WBP1L: variants seen among roughly 807,000 people sequenced by gnomAD.
The protein encoded by WBP1L is WW domain binding protein 1-like.
WBP1L carries 17 observed loss-of-function variants against 33.7 expected under a neutral mutation model. The observed-to-expected ratio is 0.50, with a 90% CI of 0.34 to 0.76. WBP1L has a LOEUF of 0.76. WBP1L is among the 30% of genes least tolerant of loss of function. WBP1L has a pLI of 0.01. For synonymous variants in WBP1L, 173 were observed against 190.8 expected (o/e 0.91, Z 0.77); for missense variants, 389 against 469.4 (o/e 0.83, Z 1.58).
At chr10:102,809,793 A>G (rs1843801714) in intron 2 of WBP1L, 100 bp from the exon 3 acceptor site, 2 of 1,381,686 alleles carry the variant, frequency 1.4e-6, no homozygotes, top group African/African-American at 2.9e-5. Context: ...TGCCAGCTTC[A>G]ACCACGTGGG....
chr10:102,776,418 G>C (rs1843263665), intron 1 of WBP1L: 2 of 1,614,060 alleles, frequency 1.2e-6, no homozygotes, highest in African/African-American at 2.7e-5. Context: ...TCTTAGACAG[G>C]TAATTGTTTC....
chr10:102,753,401 G>T (rs753467022), intron 1 of WBP1L, among the ~76,000 whole-genome samples: 14 of 152,188 alleles, frequency 9.2e-5, no homozygotes, highest in Non-Finnish European at 1.8e-4. Flanking sequence ...AGAAACACAA[G>T]TAAATCCAGA....
At chr10:102,756,485 C>A (rs1483912768) in intron 1 of WBP1L, among the ~76,000 whole-genome samples, 3 of 152,018 alleles carry the variant, frequency 2.0e-5, no homozygotes, top group African/African-American at 7.3e-5. Flanking sequence ...CCTTAATATA[C>A]TGTGGACTAA....
intron 1 of WBP1L, among the ~76,000 whole-genome samples, chr10:102,759,125 A>G (rs1564754679): frequency 6.6e-6 from 1 of 152,084 alleles, no homozygotes; most frequent in Non-Finnish European, 1.5e-5. Context: ...GGTGGAGCAG[A>G]GTGTTCCCTG....
intron 1 of WBP1L, among the ~76,000 whole-genome samples, chr10:102,759,079 C>T (rs1432162942): frequency 6.6e-6 from 1 of 152,196 alleles, no homozygotes; most frequent in East Asian, 1.9e-4. Context: ...TGACTGTGGG[C>T]AGGCCTGGAT....
At chr10:102,798,251 G>C (rs1347151527) in intron 2 of WBP1L, among the ~76,000 whole-genome samples, 156 bp downstream of exon 2, 2 of 152,200 alleles carry the variant, frequency 1.3e-5, no homozygotes, top group African/African-American at 2.4e-5. Flanking sequence ...TTCCTTTGTA[G>C]AGGAAGAGAG....
intron 1 of WBP1L, among the ~76,000 whole-genome samples, chr10:102,787,191 G>A (rs1360136917): frequency 6.6e-6 from 1 of 152,208 alleles, no homozygotes; most frequent in Non-Finnish European, 1.5e-5. Context: ...GGGAAGGATG[G>A]AATTGAGTAA....
At chr10:102,779,779 G>A (rs907586922) in intron 1 of WBP1L, among the ~76,000 whole-genome samples, 11 of 152,234 alleles carry the variant, frequency 7.2e-5, no homozygotes, top group African/African-American at 9.6e-5. Context: ...ACAGAGGAAC[G>A]CCCAGGGACT....
At chr10:102,744,739 G>C (rs962542952) in intron 1 of WBP1L, among the ~76,000 whole-genome samples, 2 of 152,180 alleles carry the variant, frequency 1.3e-5, no homozygotes, top group Admixed American at 1.3e-4. Context: ...AACCCCTCAG[G>C]AGGAGGAGCA....
chr10:102,775,117 C>CAAAAA (rs59486422), intron 1 of WBP1L, among the ~76,000 whole-genome samples: 1 of 97,322 alleles, frequency 1.0e-5, no homozygotes, highest in Non-Finnish European at 1.9e-5. Context: ...GACCCTATCT[C>CAAAAA]AAAAAAAAAA....
At chr10:102,800,976 G>A (rs1365105279) in intron 2 of WBP1L, among the ~76,000 whole-genome samples, 1 of 152,132 alleles carries the variant, frequency 6.6e-6, no homozygotes, top group African/African-American at 2.4e-5. Context: ...GGGAAAAAAT[G>A]CCATTTCTAC....
At position 102,779,597 on chromosome 10, in the gene WBP1L, C is replaced by T. The variant is rs373245130; in HGVS notation, c.91-18396C>T. On this transcript the variant is annotated intron_variant, in intron 1 of 3. Transcript: ENST00000448841. ...GATTATAGACATGAGCCACCAGGCC[C>T]GGCCAAAAAAAATGTAGATTCTTTA... is the stretch of plus-strand genomic sequence containing the variant. 1.1e-3 allele frequency among the ~76,000 whole-genome samples: 160 copies of T among 152,166 alleles called. 1 individual carries two copies. Among genetic ancestry groups the T allele is most frequent in the African/African-American group, 3.6e-3 (149 of 41,516 alleles).
In WBP1L at chr10:102,810,018, G is replaced by A; in HGVS notation, c.319G>A (p.Glu107Lys). 1 of 1,613,816 alleles carries A rather than the reference G, an allele frequency of 6.2e-7. No homozygotes were observed. The highest frequency in any genetic ancestry group is 8.5e-7 in the Non-Finnish European group (1 of 1,179,974). ...TGAAATCAACCTGATCGCTTACCGA[G>A]AAGCCCACAATTACTCAGCGCTGCC... Reference protein sequence around the residue: ...QHEINLIAYREAHNYSALPFY... With the variant: ...QHEINLIAYRKAHNYSALPFY... The change falls in exon 3 of 4, where the codon GAA becomes AAA. Residue 107 changes from glutamate to lysine, a missense_variant. Coordinates refer to ENST00000448841, the MANE Select transcript of WBP1L (RefSeq NM_001083913.2).
At chr10:102,754,165 T>C (rs567590906) in intron 1 of WBP1L, among the ~76,000 whole-genome samples, 2 of 152,338 alleles carry the variant, frequency 1.3e-5, no homozygotes, top group Middle Eastern at 3.4e-3. Context: ...CACCAGGATG[T>C]TGGAATATTG....
At chr10:102,750,020 G>T (rs1019625932) in intron 1 of WBP1L, among the ~76,000 whole-genome samples, 2 of 151,490 alleles carry the variant, frequency 1.3e-5, no homozygotes, top group Non-Finnish European at 2.9e-5. Flanking sequence ...GACCTCAGAT[G>T]ATCTGCCCGC....
intron 1 of WBP1L, among the ~76,000 whole-genome samples, chr10:102,788,800 G>A (rs1590183784): frequency 6.6e-6 from 1 of 152,070 alleles, no homozygotes; most frequent in South Asian, 2.1e-4. Flanking sequence ...CAACCTGGCT[G>A]GGGGGGATAA....
chr10:102,810,491 C>CTCCTTCCT lies in WBP1L; in HGVS notation c.355+469_355+476dup, dbSNP rs796637182. 4.4e-3 allele frequency among the ~76,000 whole-genome samples: 361 copies of CTCCTTCCT among 81,632 alleles called. 5 individuals carry two copies. The highest frequency in any genetic ancestry group is 5.5e-3 in the Non-Finnish European group (242 of 44,308). 53.6% of individuals were successfully genotyped at this position (81,632 alleles called of 152,430 possible). A position where few individuals can be genotyped will look rare whatever the true frequency, so the allele number is the denominator to read the frequency against. ...CTTCCTTCCCTCCTTCCTTCCTTCC[C>CTCCTTCCT]TCCTTCCTTCCTTCCTTCCTTCCTT... On this transcript the variant is annotated intron_variant, in intron 3 of 3. Coordinates refer to ENST00000448841, the MANE Select transcript of WBP1L (RefSeq NM_001083913.2).
chr10:102,755,195 C>T (rs1248776521), intron 1 of WBP1L, among the ~76,000 whole-genome samples: 1 of 151,766 alleles, frequency 6.6e-6, no homozygotes, highest in East Asian at 2.0e-4. Flanking sequence ...GATCCACCCG[C>T]CTCAGCTTCC....
chr10:102,813,959 C>T lies in WBP1L; in HGVS notation c.*628C>T, dbSNP rs972804156. 4.6e-5 allele frequency: 7 copies of T among 152,372 alleles called. No homozygotes were observed. The highest frequency in any genetic ancestry group is 1.7e-4 in the African/African-American group (7 of 41,462). 9.4% of individuals were successfully genotyped at this position (152,372 alleles called of 1,614,324 possible). ...GACAAGATCTATGCACCCCATGCGT[C>T]CTTGAGGGGCCTCTTCCCCGCAGGC... On this transcript the variant is annotated 3_prime_UTR_variant, in exon 4 of 4. Coordinates refer to ENST00000448841, the MANE Select transcript of WBP1L (RefSeq NM_001083913.2).
Sources: gnomAD v4.1 joint callset for allele counts (sites outside exome capture counted in the v4.1 genomes callset) on GRCh38, gnomAD v4.1.1 for gene constraint, MANE v1.5 for transcripts, NCBI Gene and HGNC (gene_info 2026-07-23, HGNC 2026-07-21) for gene names.